Variants in RBPJ observed in about 807,000 individuals in gnomAD.
The protein encoded by RBPJ is recombination signal binding protein for immunoglobulin kappa J region, also known as recombining binding protein suppressor of hairless.
In RBPJ, 9 loss-of-function variants were observed where a neutral mutation model predicts 67.8. The ratio of observed to expected loss-of-function variants is 0.13; its 90% CI spans 0.08 to 0.23. RBPJ has a LOEUF of 0.23. Among genes scored for constraint, RBPJ ranks in the 10% least tolerant of loss-of-function variants. RBPJ has a pLI of 1.00. For synonymous variants in RBPJ, 198 were observed against 203.3 expected, an observed-to-expected ratio of 0.97 and a Z score of 0.22; for missense variants, 305 against 595.6, an observed-to-expected ratio of 0.51 and a Z score of 5.08.
At chr4:26,304,465 G>A (rs1458399322) in intron 1 of RBPJ, among the ~76,000 whole-genome samples, 1 of 152,200 alleles carries the variant, frequency 6.6e-6, no homozygotes, top group Non-Finnish European at 1.5e-5. Context: ...CACCATCAAT[G>A]TATGAGGGTT....
At chr4:26,308,169 G>A (rs986200336) in intron 1 of RBPJ, among the ~76,000 whole-genome samples, 7 of 152,152 alleles carry the variant, frequency 4.6e-5, no homozygotes, top group African/African-American at 1.2e-4. Flanking sequence ...CCAGCTAGTC[G>A]GGAGGCTGAG....
chr4:26,122,392 C>G, the RBPJ span, among the ~76,000 whole-genome samples: 4 of 152,318 alleles, frequency 2.6e-5, no homozygotes, highest in East Asian at 7.7e-4. Context: ...TATTTCTGCA[C>G]AAACTGGTGA....
Position 26,425,453 on chromosome 4 carries a change from G to A in RBPJ, c.747+710G>A, listed in dbSNP as rs188390842. On this transcript the variant is annotated intron_variant, in intron 7 of 10. Coordinates refer to ENST00000355476, the MANE Select transcript of RBPJ (RefSeq NM_015874.6). Reference sequence around the variant, plus strand: ...TCAGACCGTCTTTACCACTGACCCCGCCCCCCCAAAAAAAAAATTAGCCAG... The same window carrying A: ...TCAGACCGTCTTTACCACTGACCCCACCCCCCCAAAAAAAAAATTAGCCAG... Among the ~76,000 whole-genome samples the A allele has an allele frequency of 4.0e-5, 6 of 150,478 alleles. No individual in the cohort carries two copies. In the East Asian group the frequency reaches 7.8e-4, roughly 20 times the overall value.
At chr4:26,334,586 G>T (rs750692546) in intron 1 of RBPJ, among the ~76,000 whole-genome samples, 21 of 152,074 alleles carry the variant, frequency 1.4e-4, no homozygotes, top group Non-Finnish European at 2.2e-4. Flanking sequence ...ATTGCTTAAC[G>T]TCCGTTTCCT....
chr4:26,194,927 C>T (rs6857157), intron 1 of RBPJ, among the ~76,000 whole-genome samples: 2,639 of 152,326 alleles, frequency 0.017, 75 homozygotes, highest in African/African-American at 0.06. Flanking sequence ...CCTACTAACC[C>T]TCTCTGCCCA....
intron 1 of RBPJ, among the ~76,000 whole-genome samples, chr4:26,339,730 G>C (rs1725296625): frequency 6.6e-6 from 1 of 151,472 alleles, no homozygotes; most frequent in South Asian, 2.1e-4. Flanking sequence ...AGTTACATTA[G>C]AACACTTCTG....
chr4:26,376,741 C>A (rs1331875864), intron 1 of RBPJ, among the ~76,000 whole-genome samples: 11 of 152,198 alleles, frequency 7.2e-5, no homozygotes, highest in Non-Finnish European at 1.5e-4. Flanking sequence ...TACATTCTCA[C>A]TAGCTATATA....
chr4:26,261,729 T>G lies in RBPJ; in HGVS notation c.-167+98115T>G, dbSNP rs185736884. Among the ~76,000 whole-genome samples the G allele has an allele frequency of 1.0e-3, 156 of 152,324 alleles. 2 individuals carry two copies. The highest frequency in any genetic ancestry group is 3.6e-3 in the African/African-American group (150 of 41,572). ...TTATTCTAAGAGTGATGTAAGACAGTGAGTGCTCTATCAGGACTAGTTATG... is the reference window on the plus strand; with the variant it reads ...TTATTCTAAGAGTGATGTAAGACAGGGAGTGCTCTATCAGGACTAGTTATG... On this transcript the variant is annotated intron_variant, in intron 1 of 4. Coordinates refer to the RBPJ transcript ENST00000512351.
chr4:26,155,805 AC>A, the RBPJ span, among the ~76,000 whole-genome samples: 1 of 152,078 alleles, frequency 6.6e-6, no homozygotes, highest in Non-Finnish European at 1.5e-5. Context: ...GAGAGAGAAA[AC>A]CTGCAGGTTC....
At chr4:26,209,088 G>GA (rs751158581) in intron 1 of RBPJ, among the ~76,000 whole-genome samples, 14,419 of 80,812 alleles carry the variant, frequency 0.18, 739 homozygotes, top group South Asian at 0.27. Context: ...CAGCATTACA[G>GA]AAGAAAAAAA....
the RBPJ span, among the ~76,000 whole-genome samples, chr4:26,127,738 C>A: frequency 5.3e-5 from 8 of 152,130 alleles, no homozygotes; most frequent in African/African-American, 1.4e-4. Flanking sequence ...GGGTTTTGCC[C>A]AGCAGGTAAG....
At chr4:26,221,571 G>A (rs2109191720) in intron 1 of RBPJ, among the ~76,000 whole-genome samples, 1 of 152,254 alleles carries the variant, frequency 6.6e-6, no homozygotes, top group Non-Finnish European at 1.5e-5. Context: ...TGAGAGAGAC[G>A]GCGAGACCCT....
intron 1 of RBPJ, among the ~76,000 whole-genome samples, chr4:26,198,796 T>C (rs1380482937): frequency 6.6e-6 from 1 of 152,234 alleles, no homozygotes; most frequent in Non-Finnish European, 1.5e-5. Context: ...GCTTGAGAAG[T>C]ATTTGTTGAA....
intron 1 of RBPJ, among the ~76,000 whole-genome samples, chr4:26,258,251 C>T (rs1720409779): frequency 6.6e-6 from 1 of 152,242 alleles, no homozygotes; most frequent in Non-Finnish European, 1.5e-5. Context: ...AACTTGCTCA[C>T]TACCAATTGA....
At chr4:26,241,587 C>T (rs1464408529) in intron 1 of RBPJ, among the ~76,000 whole-genome samples, 1 of 152,148 alleles carries the variant, frequency 6.6e-6, no homozygotes, top group African/African-American at 2.4e-5. Flanking sequence ...TCCCTGCTCA[C>T]TGCAACCTCT....
chr4:26,224,289 G>T (rs1166934546), intron 1 of RBPJ, among the ~76,000 whole-genome samples: 1 of 152,144 alleles, frequency 6.6e-6, no homozygotes, highest in Non-Finnish European at 1.5e-5. Flanking sequence ...GAGTGCAGTG[G>T]CACAATCTCG....
chr4:26,191,214 GAGAGAGAGAGAGAGAGAGAGAGAGAGAT>G lies in RBPJ; in HGVS notation c.-167+27615_-167+27642del, dbSNP rs1451762111. ...ATATATATATATATATATATATAGA[GAGAGAGAGAGAGAGAGAGAGAGAGAGAT>G]AGAGAGAGAGAGAGGGAGAGAGGGA... is the stretch of plus-strand genomic sequence containing the variant. On this transcript the variant is annotated intron_variant, in intron 1 of 4. Transcript: ENST00000512351. 9.7e-3 allele frequency among the ~76,000 whole-genome samples: 400 copies of G among 41,116 alleles called. 2 individuals carry two copies. Among genetic ancestry groups the G allele is most frequent in the Middle Eastern group, 0.015 (1 of 68 alleles). 27.0% of individuals were successfully genotyped at this position (41,116 alleles called of 152,430 possible).
intron 1 of RBPJ, among the ~76,000 whole-genome samples, chr4:26,209,457 T>A (rs937973217): frequency 9.9e-5 from 15 of 152,124 alleles, no homozygotes; most frequent in Non-Finnish European, 1.6e-4. Flanking sequence ...AAAAAAGTTT[T>A]GTGTTTAAAT....
intron 1 of RBPJ, among the ~76,000 whole-genome samples, chr4:26,312,542 G>A (rs1722467692): frequency 6.6e-6 from 1 of 152,142 alleles, no homozygotes; most frequent in Non-Finnish European, 1.5e-5. Context: ...CTCAGAGCCT[G>A]AACGTGCTGT....
Sources: allele counts gnomAD v4.1 joint callset (sites outside exome capture counted in the v4.1 genomes callset), GRCh38; gene constraint gnomAD v4.1.1; transcripts MANE v1.5; gene names NCBI Gene and HGNC (gene_info 2026-07-23, HGNC 2026-07-21).